VWDE: variants seen among roughly 807,000 people sequenced by gnomAD.
The protein encoded by VWDE is von Willebrand factor D and EGF domain-containing protein.
In VWDE, 207 loss-of-function variants were observed where a neutral mutation model predicts 178.4. The ratio of observed to expected loss-of-function variants is 1.16; its 90% CI spans 1.04 to 1.30. The LOEUF is 1.30. VWDE is among the 50% of genes most tolerant of loss of function. VWDE has a pLI of 0.00. For synonymous variants in VWDE, 738 were observed against 651.4 expected (o/e 1.13, Z -2.02); for missense variants, 2,287 against 1,901.3 (o/e 1.20, Z -3.77).
chr7:12,341,057 C>A (rs1781302700), intron 23 of VWDE, among the ~76,000 whole-genome samples: 1 of 152,200 alleles, frequency 6.6e-6, no homozygotes, highest in South Asian at 2.1e-4. Context: ...AAATTAATTT[C>A]TTCCTTCTCT....
chr7:12,342,661 TC>T (rs1487209290), intron 22 of VWDE, among the ~76,000 whole-genome samples: 24 of 151,478 alleles, frequency 1.6e-4, no homozygotes, highest in African/African-American at 5.3e-4. Flanking sequence ...TTATTTATTT[TC>T]CATTTTCTAT....
chr7:12,352,572 T>G (rs1782001447), intron 18 of VWDE, among the ~76,000 whole-genome samples: 1 of 152,176 alleles, frequency 6.6e-6, no homozygotes, highest in African/African-American at 2.4e-5. Context: ...TGGGTCTGTT[T>G]GGGAAAGAAA....
In VWDE at chr7:12,393,617, C is replaced by T. The variant is rs377157991; in HGVS notation, c.220G>A (p.Glu74Lys). ...YRFLILDRPA[E>K]MPTKCVEMNH... ...ACCTCAACACATTTGGTTGGCATCT[C>T]GGCAGGTCTGTCAAGGATGAGAAAT... The change falls in exon 2 of 29, where the codon GAG (glutamate) becomes AAG (lysine). Residue 74 changes from glutamate (E) to lysine (K), a missense_variant. Glu to Lys is a moderately conservative substitution (Grantham distance 56). Transcript: ENST00000275358. 421 of 1,549,332 alleles carry T rather than the reference C, an allele frequency of 2.7e-4. No individual in the cohort carries two copies. The highest frequency in any genetic ancestry group is 3.4e-4 in the East Asian group (14 of 40,872).
At chr7:12,352,305 T>C (rs1386935734) in intron 18 of VWDE, among the ~76,000 whole-genome samples, 3 of 152,200 alleles carry the variant, frequency 2.0e-5, no homozygotes, top group Admixed American at 6.5e-5. Context: ...GATTCTTATG[T>C]GCCCCACTAG....
chr7:12,357,616 A>G (rs1782332304), intron 16 of VWDE, 101 bp from the exon 17 acceptor site: 4 of 1,335,084 alleles, frequency 3.0e-6, no homozygotes, highest in Middle Eastern at 2.0e-4. Context: ...TAAAGACTGA[A>G]CTCTGCTAAA....
At chr7:12,373,464 T>C (rs1407672290) in intron 9 of VWDE, among the ~76,000 whole-genome samples, 14 of 152,116 alleles carry the variant, frequency 9.2e-5, no homozygotes, top group Admixed American at 1.3e-4. Flanking sequence ...GCTGGCTCAA[T>C]GGTCTTCTCC....
chr7:12,343,309 A>C (rs1029255912), intron 21 of VWDE, 131 bp from the exon 22 acceptor site: 1 of 566,616 alleles, frequency 1.8e-6, no homozygotes, highest in African/African-American at 1.9e-5. Flanking sequence ...CTTTTACTAC[A>C]AAACTTAGTT....
At chr7:12,390,603 TTG>T (rs983386072) in intron 2 of VWDE, among the ~76,000 whole-genome samples, 1 of 151,670 alleles carries the variant, frequency 6.6e-6, no homozygotes, top group Non-Finnish European at 1.5e-5. Flanking sequence ...TAGTACTATA[TTG>T]TGTTATATTT....
At chr7:12,393,198 G>C (rs1006119242) in intron 2 of VWDE, among the ~76,000 whole-genome samples, 1 of 152,140 alleles carries the variant, frequency 6.6e-6, no homozygotes, top group Non-Finnish European at 1.5e-5. Flanking sequence ...TTTACTATTT[G>C]CAGGTAATAC....
intron 18 of VWDE, chr7:12,353,713 G>C (rs10215258): frequency 0.87 from 132,343 of 152,208 alleles, 57,720 homozygotes; most frequent in Admixed American, 0.9. Context: ...CCTACACACT[G>C]CTCCTTAAAC....
chr7:12,362,532 C>T (rs1251189466), intron 13 of VWDE, among the ~76,000 whole-genome samples: 1 of 151,952 alleles, frequency 6.6e-6, no homozygotes, highest in Non-Finnish European at 1.5e-5. Context: ...GCATAATGTT[C>T]CAGGTACGGA....
intron 1 of VWDE, among the ~76,000 whole-genome samples, chr7:12,399,362 A>C (rs188734632): frequency 5.9e-4 from 90 of 152,336 alleles, no homozygotes; most frequent in Admixed American, 1.3e-3. Context: ...TAAAAGGGTC[A>C]ATCCGTGAGG....
At position 12,370,811 on chromosome 7, in the gene VWDE, C is replaced by A. The variant is rs1386668644; in HGVS notation, c.1641G>T (p.Met547Ile). 7 of 1,551,018 alleles carry A rather than the reference C, an allele frequency of 4.5e-6. No individual in the cohort carries two copies. Among genetic ancestry groups the A allele is most frequent in the African/African-American group, 1.4e-5 (1 of 73,088 alleles). Residue 547 changes from methionine (M) to isoleucine (I), a missense_variant, in exon 11 of 29, where the codon ATG becomes ATT. Met to Ile is a conservative substitution (Grantham distance 10). Transcript: ENST00000275358. Reference protein sequence around the residue: ...FIRADLGEWGMSLTIRAPSVD... With the variant: ...FIRADLGEWGISLTIRAPSVD... Reference sequence around the variant, plus strand: ...CACTAGGGGCTCTGATCGTTAGACTCATGCCCCATTCACCAAGATCAGCAC... The same window carrying A: ...CACTAGGGGCTCTGATCGTTAGACTAATGCCCCATTCACCAAGATCAGCAC...
chr7:12,370,621 T>C, intron 11 of VWDE, 35 bp downstream of exon 11: 1 of 1,545,102 alleles, frequency 6.5e-7, no homozygotes, highest in Non-Finnish European at 8.7e-7. Context: ...AAGTCTAATA[T>C]TAATATAATC....
chr7:12,390,330 T>C (rs920490041), intron 2 of VWDE, among the ~76,000 whole-genome samples: 5 of 151,976 alleles, frequency 3.3e-5, no homozygotes, highest in African/African-American at 1.2e-4. Context: ...ATGCATGATC[T>C]TGGACAAGGC....
intron 27 of VWDE, 99 bp downstream of exon 27, chr7:12,336,041 GT>G (rs1554262571): frequency 7.9e-6 from 8 of 1,007,192 alleles, no homozygotes; most frequent in Non-Finnish European, 1.1e-5. Context: ...GCATGCTGGA[GT>G]TTTTTCCCCC....
chr7:12,344,781 A>T (rs1583281191), intron 19 of VWDE, among the ~76,000 whole-genome samples: 1 of 152,212 alleles, frequency 6.6e-6, no homozygotes, highest in East Asian at 1.9e-4. Flanking sequence ...GATAGAAACA[A>T]TGCCTTTAAA....
Position 12,374,701 on chromosome 7 carries a change from G to C in VWDE, c.1304C>G (p.Thr435Arg), listed in dbSNP as rs769254501. Residue 435 changes from threonine to arginine, a missense_variant, in exon 9 of 29, where the codon ACA becomes AGA. Physicochemically the swap from Thr to Arg is moderately conservative, Grantham distance 71. Transcript: ENST00000275358. ...CYTFTDPHII[T>R]FDGRVYDNFK... ...TTCAGAAAATTACCTGCCATCAAAT[G>C]TAATTATATGTGGGTCAGTAAATGT... is the stretch of plus-strand genomic sequence containing the variant. 1.0e-4 allele frequency: 161 copies of C among 1,534,334 alleles called. No individual in the cohort carries two copies. The highest frequency in any genetic ancestry group is 1.2e-4 in the Non-Finnish European group (133 of 1,140,412).
chr7:12,348,764 G>T (rs1781756683), intron 19 of VWDE, among the ~76,000 whole-genome samples: 1 of 151,212 alleles, frequency 6.6e-6, no homozygotes, highest in Admixed American at 6.6e-5. Context: ...CTGCTATAAA[G>T]ACACATGCAC....
Sources: allele counts gnomAD v4.1 joint callset (sites outside exome capture counted in the v4.1 genomes callset), GRCh38; gene constraint gnomAD v4.1.1; transcripts MANE v1.5; gene names NCBI Gene and HGNC (gene_info 2026-07-23, HGNC 2026-07-21).